HDAC4: variants seen among roughly 807,000 people sequenced by gnomAD.
HDAC4 encodes histone deacetylase A.
HDAC4 carries 16 observed loss-of-function variants against 135.1 expected under a neutral mutation model. The ratio of observed to expected loss-of-function variants is 0.12; its 90% CI spans 0.08 to 0.18. The LOEUF (loss-of-function observed/expected upper bound fraction) is 0.18. Among genes scored for constraint, HDAC4 ranks in the 10% least tolerant of loss-of-function variants. The pLI is 1.00. For synonymous variants in HDAC4, 685 were observed against 653.4 expected (o/e 1.05, Z -0.74); for missense variants, 1,143 against 1,511.8 (o/e 0.76, Z 4.05).
chr2:239,279,842 G>C (rs929990567), intron 2 of HDAC4, among the ~76,000 whole-genome samples: 2 of 152,202 alleles, frequency 1.3e-5, no homozygotes, highest in East Asian at 3.8e-4. Context: ...AGCTCTCACC[G>C]GGCTTCTCCA....
intron 2 of HDAC4, among the ~76,000 whole-genome samples, chr2:239,291,628 C>T (rs1052445577): frequency 7.2e-5 from 11 of 152,210 alleles, no homozygotes; most frequent in African/African-American, 2.7e-4. Context: ...ATGAAAACAG[C>T]TTTAAAAGAC....
intron 4 of HDAC4, among the ~76,000 whole-genome samples, chr2:239,189,404 C>T (rs1042748031): frequency 6.6e-6 from 1 of 151,672 alleles, no homozygotes; most frequent in Non-Finnish European, 1.5e-5. Context: ...TTATCTTTTT[C>T]TAATTATAAA....
intron 2 of HDAC4, among the ~76,000 whole-genome samples, chr2:239,267,458 C>T (rs1277190324): frequency 6.6e-6 from 1 of 152,238 alleles, no homozygotes; most frequent in African/African-American, 2.4e-5. Flanking sequence ...CAACGGTGGA[C>T]AGCAAGGACT....
chr2:239,084,458 T>TGC lies in HDAC4; in HGVS notation c.2445-218_2445-217dup, dbSNP rs142308489. Among the ~76,000 whole-genome samples the TGC allele has an allele frequency of 6.5e-3, 915 of 140,296 alleles. 8 individuals are homozygous for TGC. Among genetic ancestry groups the TGC allele is most frequent in the African/African-American group, 1.0e-2 (389 of 38,924 alleles). The allele number at this position is 140,296 out of a possible 152,430, so 92.0% of individuals were successfully genotyped here. A position where few individuals can be genotyped will look rare whatever the true frequency, so the allele number is the denominator to read the frequency against. ...CCACATGCAGACACACTCACACGCG[T>TGC]GCGCGCGCACACACACACACACACA... On this transcript the variant is annotated intron_variant, in intron 19 of 26. Transcript: ENST00000543185.
At chr2:239,336,542 G>A (rs1002864975) in intron 2 of HDAC4, among the ~76,000 whole-genome samples, 1 of 152,180 alleles carries the variant, frequency 6.6e-6, no homozygotes, top group Non-Finnish European at 1.5e-5. Context: ...AGGAAAAACT[G>A]TAAAAGCTAG....
intron 1 of HDAC4, among the ~76,000 whole-genome samples, chr2:239,399,434 C>G (rs1425750898): frequency 1.3e-5 from 2 of 152,148 alleles, no homozygotes; most frequent in African/African-American, 4.8e-5. Context: ...CCACCACCAC[C>G]TTTCCTGGCT....
Position 239,115,094 on chromosome 2 carries a change from C to A in HDAC4, c.1750G>T (p.Gly584Cys). The A allele has an allele frequency of 2.5e-6, 4 of 1,611,552 alleles. No homozygotes were observed. The highest frequency in any genetic ancestry group is 3.4e-6 in the Non-Finnish European group (4 of 1,179,920). Residue 584 changes from glycine (G) to cysteine (C), a missense_variant, in exon 13 of 27, where the codon GGC becomes TGC. By Grantham distance (159) the Gly-to-Cys change is radical. Coordinates refer to ENST00000543185, the MANE Select transcript of HDAC4 (RefSeq NM_001378414.1). The surrounding 1 kb of genome is among the most constrained non-coding windows in gnomAD (Gnocchi z 6.3). ...EAEPPREVEP[G>C]QRQPSEQELL... ...TCCTGCTCACTGGGCTGGCGCTGGC[C>A]CGGCTCCACCTCCCGTGGGGGCTCT...
intron 1 of HDAC4, among the ~76,000 whole-genome samples, chr2:239,354,286 C>T (rs777499362): frequency 1.3e-5 from 2 of 152,180 alleles, no homozygotes; most frequent in African/African-American, 2.4e-5. Flanking sequence ...ACAGCTGCCC[C>T]GCCCCACTTC....
intron 2 of HDAC4, among the ~76,000 whole-genome samples, chr2:239,243,788 C>A (rs947519663): frequency 6.6e-6 from 1 of 152,108 alleles, no homozygotes; most frequent in Non-Finnish European, 1.5e-5. Context: ...ATCTTCCATT[C>A]CTGTACTCTG....
intron 1 of HDAC4, among the ~76,000 whole-genome samples, chr2:239,382,289 CCTGT>C (rs1450560496): frequency 6.6e-6 from 1 of 152,208 alleles, no homozygotes; most frequent in Admixed American, 6.5e-5. Context: ...TGATACTCAG[CCTGT>C]CTTTTATTAT....
chr2:239,351,669 TC>T (rs1334813381), intron 2 of HDAC4: 1 of 154,410 alleles, frequency 6.5e-6, no homozygotes, highest in African/African-American at 2.4e-5. Flanking sequence ...CAAAGACGAT[TC>T]CACCCAGGGA....
intron 7 of HDAC4, among the ~76,000 whole-genome samples, chr2:239,150,366 C>T (rs1035238440): frequency 5.3e-5 from 8 of 151,830 alleles, no homozygotes; most frequent in East Asian, 1.9e-4. Context: ...GACACACACA[C>T]AGAAACACAG....
chr2:239,095,125 C>T (rs1475731487), intron 16 of HDAC4, 69 bp from the exon 17 acceptor site: 79 of 1,562,046 alleles, frequency 5.1e-5, no homozygotes, highest in Admixed American at 1.5e-4. Context: ...AGGCCCTGGG[C>T]GCACTCCGGG....
chr2:239,073,332 G>C (rs1238016428), intron 22 of HDAC4, among the ~76,000 whole-genome samples: 1 of 152,226 alleles, frequency 6.6e-6, no homozygotes, highest in Non-Finnish European at 1.5e-5. Flanking sequence ...GCCATCGTTA[G>C]GGGCTGAGGA....
intron 3 of HDAC4, among the ~76,000 whole-genome samples, chr2:239,201,653 G>A (rs2045763107): frequency 1.3e-5 from 2 of 152,164 alleles, no homozygotes; most frequent in South Asian, 2.1e-4. Context: ...GCACAGCCAG[G>A]CCCCACCTCC....
In HDAC4 at chr2:239,344,802, C is replaced by A. The variant is rs1428067065; in HGVS notation, c.22+7876G>T. 3.3e-5 allele frequency among the ~76,000 whole-genome samples: 5 copies of A among 152,328 alleles called. No homozygotes were observed. In the East Asian group the frequency reaches 9.6e-4, roughly 29 times the overall value. ...ACATGGGGATCAAAAGCATCTCCCA[C>A]CCCAACATCAGCCGGAACTATCCAG... On this transcript the variant is annotated intron_variant, in intron 2 of 26. Coordinates refer to ENST00000543185, the MANE Select transcript of HDAC4 (RefSeq NM_001378414.1).
intron 2 of HDAC4, among the ~76,000 whole-genome samples, chr2:239,317,034 G>C (rs892210755): frequency 6.6e-6 from 1 of 152,200 alleles, no homozygotes; most frequent in Non-Finnish European, 1.5e-5. Context: ...TGGGGTGTGC[G>C]TAAGAGCTTG....
chr2:239,330,354 T>C (rs1228535253), intron 2 of HDAC4, among the ~76,000 whole-genome samples: 1 of 152,238 alleles, frequency 6.6e-6, no homozygotes, highest in African/African-American at 2.4e-5. Flanking sequence ...TGGCAGCTGC[T>C]AACCCTGCCT....
rs540354277 is a variant in HDAC4 at position 239,246,134 on chromosome 2, C to T, written c.23-9470G>A. The stretch of plus-strand genomic sequence containing the variant: ...GGCTTGCTAACACCTGTGGCTTAGT[C>T]GGGTGATAGGGACAAAACGTGCAAA... On this transcript the variant is annotated intron_variant, in intron 2 of 26. Transcript: ENST00000543185. Among the ~76,000 whole-genome samples, 7 of 152,260 alleles carry T rather than the reference C, an allele frequency of 4.6e-5. No individual in the cohort carries two copies. The South Asian group carries it at 8.3e-4, about 18-fold the overall frequency.
Sources: allele counts gnomAD v4.1 joint callset (sites outside exome capture counted in the v4.1 genomes callset), GRCh38; gene constraint gnomAD v4.1.1; non-coding constraint Gnocchi (gnomAD v3.1); transcripts MANE v1.5; gene names NCBI Gene and HGNC (gene_info 2026-07-23, HGNC 2026-07-21).